LINGO2: variants seen among roughly 807,000 people sequenced by gnomAD.
The protein encoded by LINGO2 is leucine-rich repeat and immunoglobulin-like domain-containing nogo receptor-interacting protein 2.
A neutral mutation model predicts 30.6 loss-of-function variants in LINGO2; 14 were observed. That is an observed-to-expected ratio of 0.46 (90% confidence interval 0.30 to 0.72). The LOEUF is 0.72. LINGO2 is among the 30% of genes least tolerant of loss of function. The pLI is 0.07. For missense variants in LINGO2, 729 were observed against 751.7 expected (o/e 0.97, Z 0.35); for synonymous variants, 317 against 288.5 (o/e 1.10, Z -1.00).
At chr9:28,268,963 T>C (rs1282830412) in intron 4 of LINGO2, among the ~76,000 whole-genome samples, 1 of 152,114 alleles carries the variant, frequency 6.6e-6, no homozygotes, top group African/African-American at 2.4e-5. Flanking sequence ...ACTTTGGCAG[T>C]GGTCATACTG....
chr9:28,512,778 G>C (rs1205870515), intron 1 of LINGO2, among the ~76,000 whole-genome samples: 1 of 151,138 alleles, frequency 6.6e-6, no homozygotes, highest in Non-Finnish European at 1.5e-5. Flanking sequence ...AGGAGAGCCA[G>C]TCTGAGTCCC....
At position 28,475,922 on chromosome 9, in the gene LINGO2, A is replaced by T. The variant is rs1366998734; in HGVS notation, c.-279+18T>A. 1.3e-5 allele frequency: 2 copies of T among 152,586 alleles called. No individual in the cohort carries two copies. Among genetic ancestry groups the T allele is most frequent in the Non-Finnish European group, 2.9e-5 (2 of 68,034 alleles). 9.5% of individuals were successfully genotyped at this position (152,586 alleles called of 1,614,324 possible). A position where few individuals can be genotyped will look rare whatever the true frequency, so the allele number is the denominator to read the frequency against. On this transcript the variant is annotated intron_variant, in intron 2 of 5. Coordinates refer to ENST00000379992, the Ensembl canonical transcript of LINGO2. The stretch of plus-strand genomic sequence containing the variant: ...AATCGAAAGATATCCTGAAACCTAG[A>T]AAAAGAGACTCACTTACCAGTTTGA...
chr9:29,122,321 T>G, the LINGO2 span, among the ~76,000 whole-genome samples: 1 of 152,028 alleles, frequency 6.6e-6, no homozygotes, highest in African/African-American at 2.4e-5. Context: ...ATACAATACT[T>G]TTTACTCTGG....
the LINGO2 span, among the ~76,000 whole-genome samples, chr9:28,792,744 C>A: frequency 3.3e-5 from 5 of 152,120 alleles, no homozygotes; most frequent in Non-Finnish European, 7.4e-5. Context: ...AAATTATTTT[C>A]ATGATGGTTG....
chr9:29,087,422 T>G, the LINGO2 span, among the ~76,000 whole-genome samples: 1 of 152,222 alleles, frequency 6.6e-6, no homozygotes, highest in African/African-American at 2.4e-5. Flanking sequence ...CACATTTTCT[T>G]GGAAACTACA....
intron 3 of LINGO2, among the ~76,000 whole-genome samples, chr9:28,366,786 G>T (rs1010968258): frequency 8.6e-5 from 13 of 151,542 alleles, no homozygotes; most frequent in African/African-American, 3.1e-4. Context: ...TTTTATGAAA[G>T]TAATACAGAT....
chr9:28,210,938 A>G (rs1416998662), intron 4 of LINGO2, among the ~76,000 whole-genome samples: 1 of 151,624 alleles, frequency 6.6e-6, no homozygotes, highest in African/African-American at 2.4e-5. Flanking sequence ...ACTGAGATCC[A>G]GCTTAGTGGT....
At chr9:29,029,917 T>C in the LINGO2 span, among the ~76,000 whole-genome samples, 1 of 151,948 alleles carries the variant, frequency 6.6e-6, no homozygotes, top group East Asian at 1.9e-4. Flanking sequence ...ATTTCACAGA[T>C]CTTCTGAAGT....
intron 1 of LINGO2, among the ~76,000 whole-genome samples, chr9:28,571,824 G>A (rs1037156107): frequency 5.9e-5 from 9 of 152,076 alleles, no homozygotes; most frequent in Admixed American, 2.6e-4. Context: ...ACAATGTTCC[G>A]AACATCATGG....
intron 3 of LINGO2, among the ~76,000 whole-genome samples, chr9:28,306,177 T>G (rs1345877318): frequency 2.0e-5 from 3 of 152,124 alleles, no homozygotes; most frequent in African/African-American, 7.2e-5. Flanking sequence ...ACTACTAGAC[T>G]ATGAGCAATA....
chr9:28,263,142 C>T (rs1276959387), intron 4 of LINGO2, among the ~76,000 whole-genome samples: 1 of 151,974 alleles, frequency 6.6e-6, no homozygotes, highest in African/African-American at 2.4e-5. Context: ...AGGACCGAGA[C>T]CCATTCCTGG....
chr9:28,994,911 A>G, the LINGO2 span, among the ~76,000 whole-genome samples: 1 of 152,354 alleles, frequency 6.6e-6, no homozygotes, highest in Non-Finnish European at 1.5e-5. Flanking sequence ...AAAACCATAA[A>G]AACCCTAGAA....
chr9:29,137,996 A>G, the LINGO2 span, among the ~76,000 whole-genome samples: 13 of 152,132 alleles, frequency 8.5e-5, no homozygotes, highest in African/African-American at 3.1e-4. Context: ...TTCTTGGTAA[A>G]TGTAATATTA....
chr9:28,534,229 TC>T (rs1821342044), intron 1 of LINGO2, among the ~76,000 whole-genome samples: 1 of 152,142 alleles, frequency 6.6e-6, no homozygotes, highest in East Asian at 1.9e-4. Flanking sequence ...CAATCATGGA[TC>T]ACTGCAGTCT....
chr9:28,619,098 A>G (rs1247886040), intron 1 of LINGO2, among the ~76,000 whole-genome samples: 1 of 152,142 alleles, frequency 6.6e-6, no homozygotes, highest in African/African-American at 2.4e-5. Context: ...CCTAAGTGTA[A>G]GATTCTAAGG....
At chr9:28,096,079 T>C (rs1378223593) in intron 4 of LINGO2, among the ~76,000 whole-genome samples, 2 of 152,148 alleles carry the variant, frequency 1.3e-5, no homozygotes, top group Non-Finnish European at 2.9e-5. Context: ...GGTTCAAGGC[T>C]GTAGTGAGCC....
chr9:28,710,910 C>T, the LINGO2 span, among the ~76,000 whole-genome samples: 911 of 152,094 alleles, frequency 6.0e-3, 12 homozygotes, highest in African/African-American at 0.021. Flanking sequence ...TGACATGTAA[C>T]AAATAGATGA....
the LINGO2 span, among the ~76,000 whole-genome samples, chr9:29,065,617 A>G: frequency 6.6e-6 from 1 of 152,044 alleles, no homozygotes; most frequent in Admixed American, 6.6e-5. Flanking sequence ...CCTATATTAC[A>G]TGACTAGTTA....
chr9:29,000,639 C>A, the LINGO2 span, among the ~76,000 whole-genome samples: 1 of 151,846 alleles, frequency 6.6e-6, no homozygotes, highest in Non-Finnish European at 1.5e-5. Context: ...CTACTCCATA[C>A]GCAATACGAA....
Sources: allele counts gnomAD v4.1 joint callset (sites outside exome capture counted in the v4.1 genomes callset), GRCh38; gene constraint gnomAD v4.1.1; transcripts MANE v1.5; gene names NCBI Gene and HGNC (gene_info 2026-07-23, HGNC 2026-07-21).